The following SIPA1L1 variants were observed in gnomAD, a reference collection of about 807,000 sequenced individuals.
The protein encoded by SIPA1L1 is signal-induced proliferation-associated 1-like protein 1.
In SIPA1L1, 26 loss-of-function variants were observed where a neutral mutation model predicts 162.7. The observed-to-expected ratio is 0.16, with a 90% CI of 0.12 to 0.22. The LOEUF (loss-of-function observed/expected upper bound fraction) is 0.22. Ranked by LOEUF, SIPA1L1 falls within the 10% of genes least tolerant of loss-of-function variation. The pLI is 1.00. For synonymous variants in SIPA1L1, 829 were observed against 837.4 expected (o/e 0.99, Z 0.17); for missense variants, 1,874 against 2,241.0 (o/e 0.84, Z 3.31).
chr14:71,570,099 G>T (rs904050502), intron 4 of SIPA1L1, among the ~76,000 whole-genome samples: 20 of 152,210 alleles, frequency 1.3e-4, no homozygotes, highest in Middle Eastern at 3.4e-3. Context: ...CAGATGTTAG[G>T]AAGTCATAGT....
chr14:71,475,088 C>T (rs971236805), intron 2 of SIPA1L1, among the ~76,000 whole-genome samples: 3 of 152,144 alleles, frequency 2.0e-5, no homozygotes, highest in African/African-American at 7.2e-5. Flanking sequence ...TTATTGTTGA[C>T]ATGTAATAAA....
At chr14:71,537,021 A>T (rs1001017371) in intron 4 of SIPA1L1, among the ~76,000 whole-genome samples, 8 of 152,142 alleles carry the variant, frequency 5.3e-5, no homozygotes, top group African/African-American at 1.9e-4. Context: ...TCTTATGCAC[A>T]ATGTTAGGGT....
intron 2 of SIPA1L1, among the ~76,000 whole-genome samples, chr14:71,405,416 T>C (rs1167511906): frequency 6.6e-6 from 1 of 152,208 alleles, no homozygotes; most frequent in African/African-American, 2.4e-5. Flanking sequence ...TTATAGACCA[T>C]AGCAAGAAAC....
chr14:71,389,794 C>T (rs1410361945), intron 2 of SIPA1L1, among the ~76,000 whole-genome samples: 1 of 152,188 alleles, frequency 6.6e-6, no homozygotes, highest in African/African-American at 2.4e-5. Flanking sequence ...CAGGAGCCCA[C>T]CCTTTCCTCG....
chr14:71,544,008 T>C (rs970700705), intron 4 of SIPA1L1, among the ~76,000 whole-genome samples: 22 of 148,828 alleles, frequency 1.5e-4, no homozygotes, highest in African/African-American at 3.3e-4. Context: ...CACGCACATG[T>C]ATATATACAC....
At chr14:71,518,771 T>C (rs2051998616) in intron 3 of SIPA1L1, among the ~76,000 whole-genome samples, 1 of 151,974 alleles carries the variant, frequency 6.6e-6, no homozygotes, top group African/African-American at 2.4e-5. Flanking sequence ...CAAAACACTG[T>C]GTATTAGTCT....
chr14:71,538,039 G>GA (rs1265836877), intron 4 of SIPA1L1, among the ~76,000 whole-genome samples: 2 of 151,474 alleles, frequency 1.3e-5, no homozygotes, highest in Admixed American at 6.6e-5. Flanking sequence ...ACTGCAGGGG[G>GA]AAAAAAAAGA....
intron 2 of SIPA1L1, among the ~76,000 whole-genome samples, chr14:71,428,260 A>G (rs1287665857): frequency 6.6e-6 from 1 of 151,788 alleles, no homozygotes; most frequent in Non-Finnish European, 1.5e-5. Context: ...GCCTCCCAAA[A>G]TGCTGGGATT....
chr14:71,426,938 C>T (rs2043614451), intron 2 of SIPA1L1, among the ~76,000 whole-genome samples: 1 of 152,032 alleles, frequency 6.6e-6, no homozygotes, highest in African/African-American at 2.4e-5. Flanking sequence ...GAGATTAGTG[C>T]ATTCATTTCT....
At chr14:71,336,537 T>C (rs1255393620) in intron 2 of SIPA1L1, among the ~76,000 whole-genome samples, 1 of 152,214 alleles carries the variant, frequency 6.6e-6, no homozygotes, top group East Asian at 1.9e-4. Context: ...GCTTTAACTT[T>C]GGTGGTAATG....
chr14:71,634,224 A>T (rs1456345800), intron 7 of SIPA1L1, among the ~76,000 whole-genome samples: 2 of 151,878 alleles, frequency 1.3e-5, no homozygotes, highest in African/African-American at 4.8e-5. Context: ...AACATGGCGA[A>T]ACCCTGTGTC....
intron 2 of SIPA1L1, among the ~76,000 whole-genome samples, chr14:71,477,418 C>T (rs921566164): frequency 1.3e-5 from 2 of 152,056 alleles, no homozygotes; most frequent in Non-Finnish European, 2.9e-5. Flanking sequence ...ACTGTGTTGC[C>T]CAGGCTGGTC....
At chr14:71,705,965 C>A (rs953615917) in intron 16 of SIPA1L1, among the ~76,000 whole-genome samples, 6 of 152,052 alleles carry the variant, frequency 3.9e-5, no homozygotes, top group African/African-American at 1.4e-4. Flanking sequence ...GGGACGCCCT[C>A]CCCATGCAGT....
At chr14:71,678,806 C>T (rs1346323286) in intron 12 of SIPA1L1, among the ~76,000 whole-genome samples, 2 of 151,720 alleles carry the variant, frequency 1.3e-5, no homozygotes, top group Admixed American at 6.6e-5. Context: ...ATTATTGCCT[C>T]AATTTCAGAG....
intron 2 of SIPA1L1, among the ~76,000 whole-genome samples, chr14:71,491,813 C>CACACACACACACACAA: frequency 6.8e-6 from 1 of 147,906 alleles, no homozygotes; most frequent in South Asian, 2.2e-4. Context: ...CACACACACA[C>CACACACACACACACAA]CCCTTCCCCC....
intron 2 of SIPA1L1, among the ~76,000 whole-genome samples, chr14:71,392,187 G>A (rs1279235777): frequency 6.6e-6 from 1 of 152,170 alleles, no homozygotes; most frequent in Non-Finnish European, 1.5e-5. Context: ...GACAGTCTCC[G>A]GTGCAGGCAG....
chr14:71,525,088 C>G (rs1361363837), intron 3 of SIPA1L1, among the ~76,000 whole-genome samples: 1 of 152,186 alleles, frequency 6.6e-6, no homozygotes, highest in African/African-American at 2.4e-5. Context: ...ATCCTCTTAC[C>G]TCAGCCTCCT....
chr14:71,423,504 T>C (rs912614706), intron 2 of SIPA1L1, among the ~76,000 whole-genome samples: 1 of 152,162 alleles, frequency 6.6e-6, no homozygotes, highest in Non-Finnish European at 1.5e-5. Context: ...TTTTTGTAAG[T>C]AGTATTCACC....
chr14:71,338,311 A>G (rs957761850), intron 2 of SIPA1L1, among the ~76,000 whole-genome samples: 2 of 152,218 alleles, frequency 1.3e-5, no homozygotes, highest in African/African-American at 4.8e-5. Context: ...AAGTCCATCA[A>G]GTGGAAGGAG....
Sources: allele counts gnomAD v4.1 joint callset (sites outside exome capture counted in the v4.1 genomes callset), GRCh38; gene constraint gnomAD v4.1.1; transcripts MANE v1.5; gene names NCBI Gene and HGNC (gene_info 2026-07-23, HGNC 2026-07-21).